The following KNTC1 variants were observed in gnomAD, a reference collection of about 807,000 sequenced individuals.
KNTC1 encodes kinetochore associated 1, also known as kinetochore-associated protein 1.
KNTC1 carries 253 observed loss-of-function variants against 314.4 expected under a neutral mutation model. That is an observed-to-expected ratio of 0.80 (90% CI 0.73 to 0.89). KNTC1 has a LOEUF of 0.89. Among genes scored for constraint, KNTC1 ranks in the 40% least tolerant of loss-of-function variants. KNTC1 has a pLI of 0.00. For missense variants in KNTC1, 2,475 were observed against 2,572.9 expected (o/e 0.96, Z 0.82); for synonymous variants, 901 against 901.4 (o/e 1.00, Z 0.01).
intron 13 of KNTC1, among the ~76,000 whole-genome samples, 163 bp downstream of exon 13, chr12:122,550,027 T>G (rs1963076588): frequency 6.6e-6 from 1 of 152,076 alleles, no homozygotes; most frequent in South Asian, 2.1e-4. Context: ...TTAATAGAGA[T>G]CCTCAAATAT....
chr12:122,600,783 C>T (rs1028718454), intron 44 of KNTC1, among the ~76,000 whole-genome samples: 1 of 151,568 alleles, frequency 6.6e-6, no homozygotes, highest in Non-Finnish European at 1.5e-5. Flanking sequence ...CTCCTGCCTC[C>T]GCCTCCCAAG....
intron 2 of KNTC1, among the ~76,000 whole-genome samples, chr12:122,533,146 A>G (rs532776325): frequency 2.0e-5 from 3 of 152,236 alleles, no homozygotes; most frequent in Admixed American, 6.5e-5. Flanking sequence ...ACAGATCCCT[A>G]GAAGATATAG....
At chr12:122,613,598 G>T (rs1873421075) in intron 54 of KNTC1, 28 bp from the exon 55 acceptor site, 4 of 1,569,664 alleles carry the variant, frequency 2.5e-6, no homozygotes, top group African/African-American at 1.4e-5. Context: ...CTATGAGAAT[G>T]ATTCTTAGAA....
chr12:122,600,134 C>T (rs934153814), intron 44 of KNTC1, among the ~76,000 whole-genome samples: 1 of 152,066 alleles, frequency 6.6e-6, no homozygotes, highest in Non-Finnish European at 1.5e-5. Flanking sequence ...AAATCTCACC[C>T]TGTTGTCCAG....
chr12:122,561,996 G>A, intron 19 of KNTC1, 22 bp downstream of exon 19: 2 of 1,587,538 alleles, frequency 1.3e-6, no homozygotes, highest in Non-Finnish European at 1.7e-6. Flanking sequence ...AGATTTCTAG[G>A]TTAATATGTG....
chr12:122,603,036 G>T lies in KNTC1; in HGVS notation c.4894G>T (p.Asp1632Tyr). 6.2e-7 allele frequency: 1 copy of T among 1,613,240 alleles called. No individual in the cohort carries two copies. Among genetic ancestry groups the T allele is most frequent in the Non-Finnish European group, 8.5e-7 (1 of 1,179,642 alleles). The change falls in exon 48 of 64, where the codon GAC (aspartate) becomes TAC (tyrosine). Residue 1632 changes from aspartate (D) to tyrosine (Y), a missense_variant. Coordinates refer to ENST00000333479, the MANE Select transcript of KNTC1 (RefSeq NM_014708.6). ...LISKLMKFSL[D>Y]TLYVSTAKHV... Reference sequence around the variant, plus strand: ...TTCCTTTTCTTTGAAGTTCTCTCTGGACACTCTGTACGTGTCTACAGCAAA... The same window carrying T: ...TTCCTTTTCTTTGAAGTTCTCTCTGTACACTCTGTACGTGTCTACAGCAAA...
At chr12:122,579,360 G>A (rs535785408) in intron 31 of KNTC1, among the ~76,000 whole-genome samples, 94 of 152,080 alleles carry the variant, frequency 6.2e-4, no homozygotes, top group Non-Finnish European at 1.0e-3. Context: ...CACCGCGCCC[G>A]GCCCGTAGTC....
At chr12:122,562,735 C>CGTG in intron 20 of KNTC1, 36 bp downstream of exon 20, 3 of 1,272,258 alleles carry the variant, frequency 2.4e-6, no homozygotes, top group Non-Finnish European at 3.4e-6. Context: ...TTAGGCCAGG[C>CGTG]ATGGTGTCTC....
Position 122,580,056 on chromosome 12 carries a change from C to T in KNTC1, c.2914+79C>T, listed in dbSNP as rs1287314341. On this transcript the variant is annotated intron_variant, in intron 32 of 63. Coordinates refer to ENST00000333479, the MANE Select transcript of KNTC1 (RefSeq NM_014708.6). ...TCAGAAAGAGGCATCGAAGACAACT[C>T]TCACCGTACCCGCAGTTTTTCTGGT... 1.5e-5 allele frequency: 13 copies of T among 891,766 alleles called. 1 individual carries two copies. 55.2% of individuals were successfully genotyped at this position (891,766 alleles called of 1,614,324 possible).
At chr12:122,624,570 A>G in intron 62 of KNTC1, 28 bp from the exon 63 acceptor site, 2 of 1,562,480 alleles carry the variant, frequency 1.3e-6, no homozygotes, top group Non-Finnish European at 1.8e-6. Flanking sequence ...GCTTGGCCTA[A>G]CACTTCTTTT....
chr12:122,620,616 G>T lies in KNTC1; in HGVS notation c.6279+8G>T. ...AGACACCAGCAAATTAAGGTATCGT[G>T]CACATGATTCCTCTGGGCTGCCAAG... On this transcript the variant is annotated splice_region_variant and intron_variant, in intron 60 of 63. Coordinates refer to ENST00000333479, the MANE Select transcript of KNTC1 (RefSeq NM_014708.6). The T allele has an allele frequency of 6.2e-7, 1 of 1,612,016 alleles. No individual in the cohort carries two copies. Among genetic ancestry groups the T allele is most frequent in the Non-Finnish European group, 8.5e-7 (1 of 1,178,798 alleles).
At position 122,542,068 on chromosome 12, in the gene KNTC1, T is replaced by C; in HGVS notation, c.464T>C (p.Leu155Pro). 1 of 1,546,314 alleles carries C rather than the reference T, an allele frequency of 6.5e-7. No individual in the cohort carries two copies. The highest frequency in any genetic ancestry group is 1.2e-5 in the South Asian group (1 of 84,866). ...GSNEGTYYMLLLTYSGFFCIT... is the reference protein window; with the variant it reads ...GSNEGTYYMLPLTYSGFFCIT... ...TCAATAGGTACCTATTATATGCTAC[T>C]TCTTACATACAGTGGATTTTTTTGT... is the stretch of plus-strand genomic sequence containing the variant. Residue 155 changes from leucine (L) to proline (P), a missense_variant, in exon 6 of 64, where the codon CTT (leucine) becomes CCT (proline). Transcript: ENST00000333479.
Position 122,609,371 on chromosome 12 carries a change from T to C in KNTC1, c.5497-13T>C, listed in dbSNP as rs1872872817. On this transcript the variant is annotated splice_polypyrimidine_tract_variant and intron_variant, in intron 51 of 63. Transcript: ENST00000333479. ...TTTTCAGTTTTTGACCTTTTTTTCC[T>C]ACCTTTTCAAAGAAACCATCAGAAT... The C allele has an allele frequency of 6.4e-7, 1 of 1,553,906 alleles. No individual in the cohort carries two copies. The highest frequency in any genetic ancestry group is 8.8e-7 in the Non-Finnish European group (1 of 1,142,414).
At chr12:122,567,871 A>G (rs1964448610) in intron 20 of KNTC1, among the ~76,000 whole-genome samples, 1 of 152,176 alleles carries the variant, frequency 6.6e-6, no homozygotes, top group Non-Finnish European at 1.5e-5. Flanking sequence ...ACATGCCTGT[A>G]ATCCCATCTA....
intron 51 of KNTC1, among the ~76,000 whole-genome samples, chr12:122,606,222 C>CTTTTTT: frequency 9.1e-6 from 1 of 109,768 alleles, no homozygotes; most frequent in Non-Finnish European, 1.9e-5. Context: ...AGATTGTTTA[C>CTTTTTT]TTTTTTTTTT....
At position 122,613,750 on chromosome 12, in the gene KNTC1, C is replaced by T. The variant is rs760272902; in HGVS notation, c.5866C>T (p.His1956Tyr). ...TAAGGGTCTGTGGAAAAACCACAGC[C>T]ACGAGTCCATGGTAGGTACACCTCA... ...MIKGLWKNHS[H>Y]ESMAVRLVTE... Residue 1956 changes from histidine to tyrosine, a missense_variant, in exon 55 of 64, where the codon CAC becomes TAC. Coordinates refer to ENST00000333479, the MANE Select transcript of KNTC1 (RefSeq NM_014708.6). 4 of 1,609,530 alleles carry T rather than the reference C, an allele frequency of 2.5e-6. No homozygotes were observed. In the African/African-American group the frequency reaches 5.4e-5, roughly 22 times the overall value.
intron 40 of KNTC1, among the ~76,000 whole-genome samples, chr12:122,589,869 C>T (rs1014080819): frequency 1.4e-5 from 2 of 146,716 alleles, no homozygotes; most frequent in Admixed American, 6.9e-5. Flanking sequence ...CTGCAAGCTC[C>T]GCCTCCCAGG....
intron 2 of KNTC1, among the ~76,000 whole-genome samples, chr12:122,532,234 A>G (rs11058603): frequency 0.45 from 60,753 of 134,336 alleles, 16,257 homozygotes; most frequent in African/African-American, 0.75. Flanking sequence ...TTTTGAGACG[A>G]ACTCTTGCTC....
intron 3 of KNTC1, among the ~76,000 whole-genome samples, chr12:122,538,025 C>T (rs1961982873): frequency 6.6e-6 from 1 of 152,020 alleles, no homozygotes; most frequent in Non-Finnish European, 1.5e-5. Context: ...TCCCAGCTAC[C>T]TGGGAGGCTG....
Sources: gnomAD v4.1 joint callset for allele counts (sites outside exome capture counted in the v4.1 genomes callset) on GRCh38, gnomAD v4.1.1 for gene constraint, MANE v1.5 for transcripts, NCBI Gene and HGNC (gene_info 2026-07-23, HGNC 2026-07-21) for gene names.